ERC2: variants seen among roughly 807,000 people sequenced by gnomAD.
The protein encoded by ERC2 is ERC protein 2.
A neutral mutation model predicts 114.8 loss-of-function variants in ERC2; 42 were observed. The ratio of observed to expected loss-of-function variants is 0.37; its 90% CI spans 0.29 to 0.47. The LOEUF is 0.47. Ranked by LOEUF, ERC2 falls within the 20% of genes least tolerant of loss-of-function variation. The pLI is 0.99. For synonymous variants in ERC2, 454 were observed against 425.5 expected (o/e 1.07, Z -0.82); for missense variants, 939 against 1,150.7 (o/e 0.82, Z 2.66).
intron 17 of ERC2, among the ~76,000 whole-genome samples, chr3:55,678,356 G>A (rs1246871109): frequency 6.6e-6 from 1 of 152,100 alleles, no homozygotes; most frequent in Admixed American, 6.5e-5. Context: ...ATCTCATGTT[G>A]TACCCCTTAA....
chr3:56,104,668 T>C (rs536834588), intron 6 of ERC2, among the ~76,000 whole-genome samples: 2 of 152,034 alleles, frequency 1.3e-5, no homozygotes, highest in South Asian at 4.2e-4. Flanking sequence ...TTAGGGCCTG[T>C]CTGGGATTTT....
chr3:55,974,003 C>A (rs978254216), intron 12 of ERC2, among the ~76,000 whole-genome samples: 1 of 152,078 alleles, frequency 6.6e-6, no homozygotes, highest in South Asian at 2.1e-4. Context: ...GAAGAGAAAC[C>A]AAACAAACTG....
intron 14 of ERC2, among the ~76,000 whole-genome samples, chr3:55,835,097 G>T (rs919592807): frequency 5.3e-5 from 8 of 151,954 alleles, no homozygotes; most frequent in Admixed American, 3.3e-4. Flanking sequence ...CTGAAATTGT[G>T]ACCATAATCA....
At position 56,135,325 on chromosome 3, in the gene ERC2, T is replaced by C. The variant is rs562614379; in HGVS notation, c.1473+4184A>G. Among the ~76,000 whole-genome samples, 24 of 152,218 alleles carry C rather than the reference T, an allele frequency of 1.6e-4. No individual in the cohort carries two copies. The South Asian group carries it at 2.1e-3, about 13-fold the overall frequency. ...TTCATAGTATCTTTATTTGTCCATA[T>C]CATTCTAAGACATAAAAAAGTGACT... On this transcript the variant is annotated intron_variant, in intron 6 of 17. Transcript: ENST00000288221.
At chr3:56,454,556 A>T (rs185568920) in intron 1 of ERC2, among the ~76,000 whole-genome samples, 177 of 152,370 alleles carry the variant, frequency 1.2e-3, no homozygotes, top group Middle Eastern at 3.4e-3. Context: ...TGCATAAAGA[A>T]AATGAAGTAT....
intron 6 of ERC2, among the ~76,000 whole-genome samples, chr3:56,132,879 G>A (rs1304419376): frequency 6.6e-6 from 1 of 152,112 alleles, no homozygotes; most frequent in East Asian, 1.9e-4. Context: ...AATATTATAT[G>A]ATAAACTTTT....
chr3:56,282,075 A>T (rs181010894), intron 3 of ERC2, among the ~76,000 whole-genome samples: 3 of 152,194 alleles, frequency 2.0e-5, no homozygotes, highest in Non-Finnish European at 2.9e-5. Context: ...TGCATAGGTC[A>T]TGTCACTTGA....
At chr3:55,863,941 C>A (rs2062138118) in intron 14 of ERC2, among the ~76,000 whole-genome samples, 1 of 150,598 alleles carries the variant, frequency 6.6e-6, no homozygotes, top group Admixed American at 6.6e-5. Flanking sequence ...TAGCACTAGT[C>A]TATAGTACCT....
intron 12 of ERC2, among the ~76,000 whole-genome samples, chr3:55,959,585 T>C (rs1372040021): frequency 6.6e-6 from 1 of 152,204 alleles, no homozygotes; most frequent in Non-Finnish European, 1.5e-5. Flanking sequence ...AATAATAAGA[T>C]GCTCTTCCTT....
rs187331732 is a variant in ERC2, at chr3:55,587,858, T to C, written c.*40-76582A>G. 1.3e-4 allele frequency among the ~76,000 whole-genome samples: 20 copies of C among 152,322 alleles called. No individual in the cohort carries two copies. In the East Asian group the frequency reaches 3.7e-3, roughly 28 times the overall value. On this transcript the variant is annotated intron_variant, in intron 17 of 17. Coordinates refer to ENST00000288221, the MANE Select transcript of ERC2 (RefSeq NM_015576.3). The stretch of plus-strand genomic sequence containing the variant: ...TAAACCAGGCCTTATCAAACCCATT[T>C]CACAGCCAGGGGTAAGAGGCTTGGA...
intron 3 of ERC2, among the ~76,000 whole-genome samples, chr3:56,187,189 T>C (rs4974123): frequency 0.11 from 16,719 of 152,094 alleles, 1,436 homozygotes; most frequent in African/African-American, 0.23. Flanking sequence ...TGCCTGTGGG[T>C]TCCCCCAGCA....
intron 7 of ERC2, among the ~76,000 whole-genome samples, chr3:56,034,059 T>A (rs1576643554): frequency 6.6e-6 from 1 of 152,184 alleles, no homozygotes; most frequent in African/African-American, 2.4e-5. Context: ...AAAACAAGAT[T>A]CAACTATATG....
At chr3:55,554,041 A>C (rs1028840883) in intron 17 of ERC2, among the ~76,000 whole-genome samples, 1 of 152,196 alleles carries the variant, frequency 6.6e-6, no homozygotes, top group African/African-American at 2.4e-5. Context: ...AATCCTGCCT[A>C]GGCTTAACTA....
intron 6 of ERC2, among the ~76,000 whole-genome samples, chr3:56,123,491 G>A (rs1425714526): frequency 6.6e-6 from 1 of 151,788 alleles, no homozygotes; most frequent in East Asian, 1.9e-4. Flanking sequence ...ACCAGTTTAT[G>A]GTAATTTTTT....
At chr3:55,755,453 C>T (rs2066989354) in intron 14 of ERC2, among the ~76,000 whole-genome samples, 1 of 152,180 alleles carries the variant, frequency 6.6e-6, no homozygotes, top group Admixed American at 6.5e-5. Flanking sequence ...TGACAGCCAA[C>T]TGCGGTAGTT....
intron 13 of ERC2, among the ~76,000 whole-genome samples, chr3:55,943,437 G>C (rs571636054): frequency 6.6e-6 from 1 of 151,830 alleles, no homozygotes; most frequent in Admixed American, 6.6e-5. Context: ...TTCTGGTTCC[G>C]AGTCTTTTGC....
chr3:55,974,748 T>C (rs2069449100), intron 12 of ERC2, among the ~76,000 whole-genome samples: 1 of 152,032 alleles, frequency 6.6e-6, no homozygotes, highest in African/African-American at 2.4e-5. Flanking sequence ...CCAGGCCCAC[T>C]CAAACTCACT....
At position 56,271,048 on chromosome 3, in the gene ERC2, C is replaced by T. The variant is rs1427276016; in HGVS notation, c.1074+24971G>A. On this transcript the variant is annotated intron_variant, in intron 3 of 17. Coordinates refer to ENST00000288221, the MANE Select transcript of ERC2 (RefSeq NM_015576.3). The stretch of plus-strand genomic sequence containing the variant: ...GTACTTTCTTCACACATTTTCTTTA[C>T]GTTGTGAAAAACTTAAGTGGGAAAA... Among the ~76,000 whole-genome samples, 10 of 152,302 alleles carry T rather than the reference C, an allele frequency of 6.6e-5. No homozygotes were observed. The East Asian group carries it at 1.7e-3, about 26-fold the overall frequency.
intron 17 of ERC2, among the ~76,000 whole-genome samples, chr3:55,524,430 T>A (rs1275557296): frequency 6.6e-6 from 1 of 151,576 alleles, no homozygotes; most frequent in Non-Finnish European, 1.5e-5. Context: ...CCAGCCACGT[T>A]GGCAGCCTCG....
Sources: gnomAD v4.1 joint callset for allele counts (sites outside exome capture counted in the v4.1 genomes callset) on GRCh38, gnomAD v4.1.1 for gene constraint, MANE v1.5 for transcripts, NCBI Gene and HGNC (gene_info 2026-07-23, HGNC 2026-07-21) for gene names.